The following P2RX3 variants were observed in gnomAD, a reference collection of about 807,000 sequenced individuals.
P2RX3 encodes the protein purinergic receptor P2X 3.
In P2RX3, 41 loss-of-function variants were observed where a neutral mutation model predicts 51.5. That is an observed-to-expected ratio of 0.80 (90% CI 0.62 to 1.03). P2RX3 has a LOEUF of 1.03. Ranked by LOEUF, P2RX3 falls within the 50% of genes least tolerant of loss-of-function variation. The pLI is 0.00. For missense variants in P2RX3, 459 were observed against 522.1 expected (o/e 0.88, Z 1.18); for synonymous variants, 185 against 191.6 (o/e 0.97, Z 0.29).
chr11:57,362,417 C>T (rs979901066), intron 8 of P2RX3, among the ~76,000 whole-genome samples: 8 of 152,270 alleles, frequency 5.3e-5, no homozygotes, highest in African/African-American at 1.9e-4. Context: ...AAAATCAAGG[C>T]TTGGGCATGG....
intron 8 of P2RX3, among the ~76,000 whole-genome samples, chr11:57,360,814 AG>A (rs1565070973): frequency 1.2e-3 from 185 of 151,270 alleles, no homozygotes; most frequent in African/African-American, 4.1e-3. Context: ...AAAGAAAAAA[AG>A]AAAGAAAAAG....
chr11:57,369,547 C>A, intron 11 of P2RX3, 109 bp downstream of exon 11: 1 of 1,026,830 alleles, frequency 9.7e-7, no homozygotes, highest in Non-Finnish European at 1.4e-6. Context: ...GGGGGTTCAC[C>A]AGGCCTCAAT....
Position 57,368,517 on chromosome 11 carries a change from C to T in P2RX3, c.1002+80C>T, listed in dbSNP as rs1028333751. 46 of 1,493,770 alleles carry T rather than the reference C, an allele frequency of 3.1e-5. No homozygotes were observed. The African/African-American group carries it at 5.3e-4, about 17-fold the overall frequency. The allele number at this position is 1,493,770 out of a possible 1,614,324, so 92.5% of individuals were successfully genotyped here. A position where few individuals can be genotyped will look rare whatever the true frequency, so the allele number is the denominator to read the frequency against. ...GTACCAGCAGGCAGGGGAGTGACGGCGGCAAAACTCTGCCTCTGCCTGGAA... is the reference window on the plus strand; with the variant it reads ...GTACCAGCAGGCAGGGGAGTGACGGTGGCAAAACTCTGCCTCTGCCTGGAA... On this transcript the variant is annotated intron_variant, in intron 10 of 11. Coordinates refer to ENST00000263314, the MANE Select transcript of P2RX3 (RefSeq NM_002559.5).
At position 57,371,810 on chromosome 11, in the gene P2RX3, G is replaced by C. The variant is rs1235691773; in HGVS notation, c.*1813G>C. ...CTGGGACTCCCCCAGGCATCCCTGG[G>C]GAATTCAGCTCTTGGGAGGCTGGGG... On this transcript the variant is annotated 3_prime_UTR_variant, in exon 12 of 12. Coordinates refer to ENST00000263314, the MANE Select transcript of P2RX3 (RefSeq NM_002559.5). Among the ~76,000 whole-genome samples the C allele has an allele frequency of 6.6e-6, 1 of 152,186 alleles. No individual in the cohort carries two copies. The highest frequency in any genetic ancestry group is 1.5e-5 in the Non-Finnish European group (1 of 68,026).
chr11:57,368,008 G>C lies in P2RX3; in HGVS notation c.843-1G>C. The C allele has an allele frequency of 6.2e-7, 1 of 1,613,910 alleles. No individual in the cohort carries two copies. The highest frequency in any genetic ancestry group is 8.5e-7 in the Non-Finnish European group (1 of 1,179,814). On this transcript the variant is annotated splice_acceptor_variant, in intron 8 of 11. Coordinates refer to ENST00000263314, the MANE Select transcript of P2RX3 (RefSeq NM_002559.5). LOFTEE classifies it high-confidence loss of function. Reference sequence around the variant, plus strand: ...GACCCATCTCTGCCTCTGACCTCCAGGTTTGCCAAGTACTACAAAATGGAA... The same window carrying C: ...GACCCATCTCTGCCTCTGACCTCCACGTTTGCCAAGTACTACAAAATGGAA...
intron 8 of P2RX3, among the ~76,000 whole-genome samples, chr11:57,353,837 T>TCCCCCCCCCCCCC (rs3837409): frequency 8.3e-6 from 1 of 120,910 alleles, no homozygotes; most frequent in Non-Finnish European, 1.7e-5. Flanking sequence ...CAAATGTCAC[T>TCCCCCCCCCCCCC]CCCCCCCCCC....
chr11:57,364,305 T>C (rs895685852), intron 8 of P2RX3, among the ~76,000 whole-genome samples: 2 of 152,190 alleles, frequency 1.3e-5, no homozygotes, highest in Non-Finnish European at 2.9e-5. Flanking sequence ...GGCTGCGTTA[T>C]CCTTAACAGC....
intron 8 of P2RX3, among the ~76,000 whole-genome samples, chr11:57,366,117 C>A (rs1856793411): frequency 6.6e-6 from 1 of 152,172 alleles, no homozygotes; most frequent in African/African-American, 2.4e-5. Context: ...AAGTTACTGG[C>A]ATCAGGAACC....
intron 8 of P2RX3, among the ~76,000 whole-genome samples, chr11:57,357,046 T>C (rs1203619324): frequency 1.3e-5 from 2 of 152,202 alleles, no homozygotes; most frequent in African/African-American, 4.8e-5. Context: ...CCAGGTGTGG[T>C]GGCTCACACC....
In P2RX3 at chr11:57,368,050, G is replaced by C; in HGVS notation, c.884G>C (p.Arg295Pro). 1 of 1,614,108 alleles carries C rather than the reference G, an allele frequency of 6.2e-7. No individual in the cohort carries two copies. The highest frequency in any genetic ancestry group is 8.5e-7 in the Non-Finnish European group (1 of 1,180,016). Residue 295 changes from arginine to proline, a missense_variant, in exon 9 of 12, where the codon CGC becomes CCC. Physicochemically the swap from Arg to Pro is moderately radical, Grantham distance 103. Transcript: ENST00000263314. ...YYKMENGSEY[R>P]TLLKAFGIRF... ...AAAATGGAAAATGGCAGTGAGTACC[G>C]CACCCTCCTGAAGGCTTTTGGCATC...
At chr11:57,345,826 G>T (rs1264483641) in intron 1 of P2RX3, among the ~76,000 whole-genome samples, 1 of 152,078 alleles carries the variant, frequency 6.6e-6, no homozygotes, top group Non-Finnish European at 1.5e-5. Context: ...CCACTGGGTG[G>T]CAGCACAATC....
Position 57,350,880 on chromosome 11 carries a change from C to T in P2RX3, c.824C>T (p.Ser275Phe). ...LDSVSEKSSV[S>F]PGYNFRFAKY... ...AGCGTTTCTGAGAAAAGCAGCGTGT[C>T]CCCAGGCTACAACTTCAGGTAATTC... Residue 275 changes from serine to phenylalanine, a missense_variant, in exon 8 of 12, where the codon TCC becomes TTC. Ser to Phe is a radical substitution (Grantham distance 155). Coordinates refer to ENST00000263314, the MANE Select transcript of P2RX3 (RefSeq NM_002559.5). 6.2e-7 allele frequency: 1 copy of T among 1,614,140 alleles called. No homozygotes were observed. The highest frequency in any genetic ancestry group is 1.1e-5 in the South Asian group (1 of 91,082).
chr11:57,360,826 A>T (rs1236709041), intron 8 of P2RX3, among the ~76,000 whole-genome samples: 1 of 151,938 alleles, frequency 6.6e-6, no homozygotes, highest in Non-Finnish European at 1.5e-5. Flanking sequence ...AAAGAAAAAG[A>T]AACAGCGAGA....
In P2RX3 at chr11:57,348,849, A is replaced by G. The variant is rs1455579934; in HGVS notation, c.563+145A>G. On this transcript the variant is annotated intron_variant, in intron 6 of 11. Transcript: ENST00000263314. ...CATCTCCCTGGGCCTACCATTCCCA[A>G]TCTCCCAGCGGGCCTTGGCCACTGA... 18 of 599,610 alleles carry G rather than the reference A, an allele frequency of 3.0e-5. No homozygotes were observed. The East Asian group carries it at 5.0e-4, about 17-fold the overall frequency. 37.1% of individuals were successfully genotyped at this position (599,610 alleles called of 1,614,324 possible).
intron 8 of P2RX3, among the ~76,000 whole-genome samples, chr11:57,365,391 G>T (rs1368543661): frequency 6.6e-6 from 1 of 152,196 alleles, no homozygotes; most frequent in Non-Finnish European, 1.5e-5. Context: ...AAAAGCTGAG[G>T]CTGCCCAGCC....
intron 8 of P2RX3, among the ~76,000 whole-genome samples, chr11:57,351,293 T>C (rs770287757): frequency 4.6e-5 from 7 of 152,232 alleles, no homozygotes; most frequent in African/African-American, 1.2e-4. Flanking sequence ...TTTCTCGCTC[T>C]ACAAAGTAAG....
At chr11:57,360,926 A>G (rs1192370400) in intron 8 of P2RX3, among the ~76,000 whole-genome samples, 1 of 152,174 alleles carries the variant, frequency 6.6e-6, no homozygotes, top group Non-Finnish European at 1.5e-5. Flanking sequence ...GGAGAGAGAA[A>G]AGGCAGCCCT....
At chr11:57,337,641 G>A (rs1856259519), upstream of P2RX3, among the ~76,000 whole-genome samples, 1 of 152,134 alleles carries the variant, frequency 6.6e-6, no homozygotes, top group South Asian at 2.1e-4. Flanking sequence ...GACACAGGGT[G>A]GGGAACATCA....
chr11:57,347,356 G>A (rs1366991071), intron 3 of P2RX3, 59 bp from the exon 4 acceptor site: 54 of 1,538,694 alleles, frequency 3.5e-5, no homozygotes, highest in Non-Finnish European at 4.3e-5. Flanking sequence ...CGAGGGAGTC[G>A]CGGAGCTCAC....
Sources: gnomAD v4.1 joint callset for allele counts (sites outside exome capture counted in the v4.1 genomes callset) on GRCh38, gnomAD v4.1.1 for gene constraint, MANE v1.5 for transcripts, NCBI Gene and HGNC (gene_info 2026-07-23, HGNC 2026-07-21) for gene names.